GPHN: variants seen among roughly 807,000 people sequenced by gnomAD.
GPHN encodes gephyrin.
Under a neutral mutation model 95.5 loss-of-function variants are expected in GPHN, and 17 were observed. The ratio of observed to expected loss-of-function variants is 0.18; its 90% CI spans 0.12 to 0.27. The LOEUF (loss-of-function observed/expected upper bound fraction) is 0.27, where lower values mean the gene tolerates loss of function less well. GPHN is among the 10% of genes least tolerant of loss of function. GPHN has a pLI of 1.00. For missense variants in GPHN, 660 were observed against 978.1 expected (o/e 0.67, Z 4.34); for synonymous variants, 320 against 322.5 (o/e 0.99, Z 0.08).
At chr14:66,934,104 A>G (rs1310531474) in intron 8 of GPHN, among the ~76,000 whole-genome samples, 1 of 146,224 alleles carries the variant, frequency 6.8e-6, no homozygotes, top group African/African-American at 2.6e-5. Context: ...ATACTACTGC[A>G]CTTCAACCCA....
chr14:67,145,044 C>T (rs2080819475), intron 18 of GPHN, among the ~76,000 whole-genome samples: 1 of 152,194 alleles, frequency 6.6e-6, no homozygotes, highest in African/African-American at 2.4e-5. Flanking sequence ...CTGAGATCTG[C>T]ACTGTAGTAC....
intron 1 of GPHN, among the ~76,000 whole-genome samples, chr14:66,542,183 C>T (rs1317185842): frequency 1.3e-5 from 2 of 152,124 alleles, no homozygotes; most frequent in African/African-American, 2.4e-5. Context: ...CTATATACGT[C>T]GAGAGGAAAA....
the GPHN span, among the ~76,000 whole-genome samples, chr14:67,327,362 T>C: frequency 6.6e-6 from 1 of 151,526 alleles, no homozygotes; most frequent in Non-Finnish European, 1.5e-5. Flanking sequence ...TTTACTAAAT[T>C]GATATAAAAG....
chr14:67,308,262 T>C, the GPHN span, among the ~76,000 whole-genome samples: 1 of 148,878 alleles, frequency 6.7e-6, no homozygotes, highest in African/African-American at 2.5e-5. Flanking sequence ...GTGTAAAAAG[T>C]ATAAAAGCCA....
intron 17 of GPHN, among the ~76,000 whole-genome samples, chr14:67,125,632 C>T (rs554420555): frequency 9.7e-4 from 148 of 152,268 alleles, no homozygotes; most frequent in Middle Eastern, 3.4e-3. Context: ...CAAAAATTAG[C>T]TAGGCATGGT....
At chr14:67,264,342 A>C in the GPHN span, among the ~76,000 whole-genome samples, 3 of 152,178 alleles carry the variant, frequency 2.0e-5, no homozygotes, top group Non-Finnish European at 4.4e-5. Context: ...TAATAGTATT[A>C]GCTATGATCA....
At chr14:67,295,494 A>C in the GPHN span, among the ~76,000 whole-genome samples, 1 of 152,098 alleles carries the variant, frequency 6.6e-6, no homozygotes, top group South Asian at 2.1e-4. Context: ...TGTCTCAAAA[A>C]AAAAAAAACT....
chr14:66,751,587 A>G (rs892052097), intron 2 of GPHN, among the ~76,000 whole-genome samples: 11 of 152,128 alleles, frequency 7.2e-5, no homozygotes, highest in African/African-American at 1.4e-4. Context: ...GATGCTGGAT[A>G]CTAGACTTTT....
intron 3 of GPHN, among the ~76,000 whole-genome samples, chr14:66,795,320 G>T (rs1454374491): frequency 3.3e-5 from 5 of 151,792 alleles, no homozygotes; most frequent in Non-Finnish European, 7.4e-5. Context: ...TTTCACCCTT[G>T]TCATTAAATT....
intron 1 of GPHN, among the ~76,000 whole-genome samples, chr14:66,529,287 T>C (rs2139916902): frequency 6.6e-6 from 1 of 152,180 alleles, no homozygotes; most frequent in South Asian, 2.1e-4. Context: ...CTTCACAAAG[T>C]TCTTGTGCTG....
At chr14:67,593,210 C>G in the GPHN span, 2 of 163,438 alleles carry the variant, frequency 1.2e-5, no homozygotes, top group East Asian at 3.6e-4. Flanking sequence ...AAAGACAGGG[C>G]CAGGCGTAGT....
intron 1 of GPHN, among the ~76,000 whole-genome samples, chr14:66,561,401 T>C (rs1226377078): frequency 2.0e-5 from 3 of 152,154 alleles, no homozygotes; most frequent in Non-Finnish European, 4.4e-5. Flanking sequence ...CTATTGATTA[T>C]TGCCACAATT....
At chr14:66,949,188 G>T (rs893757662) in intron 8 of GPHN, among the ~76,000 whole-genome samples, 11 of 152,012 alleles carry the variant, frequency 7.2e-5, no homozygotes, top group Non-Finnish European at 1.6e-4. Context: ...GGGTTCAAGC[G>T]ATTCTCTTGC....
intron 1 of GPHN, among the ~76,000 whole-genome samples, chr14:66,543,390 T>C (rs941868865): frequency 1.6e-4 from 24 of 152,204 alleles, no homozygotes; most frequent in Non-Finnish European, 3.2e-4. Flanking sequence ...ATACATACTT[T>C]TTTTTCACAT....
intron 10 of GPHN, among the ~76,000 whole-genome samples, chr14:67,041,820 T>C (rs1300959515): frequency 1.3e-5 from 2 of 152,184 alleles, no homozygotes; most frequent in Non-Finnish European, 2.9e-5. Context: ...TTGAACTAAT[T>C]TACACTCCCA....
chr14:67,175,571 G>T (rs1251252912), intron 21 of GPHN, among the ~76,000 whole-genome samples: 2 of 152,042 alleles, frequency 1.3e-5, no homozygotes, highest in African/African-American at 4.8e-5. Context: ...GCTCTTTTTT[G>T]GTTCCATATG....
rs536894632 is a variant in GPHN, at chr14:66,621,143, T to G, written c.65-59964T>G. ...CCAAGCCCAGCCAATTTTTTTTTTT[T>G]TTTTTGTATTTTTAGTAGAGATGGG... is the stretch of plus-strand genomic sequence containing the variant. On this transcript the variant is annotated intron_variant, in intron 1 of 22. Transcript: ENST00000478722. Among the ~76,000 whole-genome samples the G allele has an allele frequency of 3.0e-3, 451 of 151,420 alleles. 4 individuals carry two copies. The highest frequency in any genetic ancestry group is 0.011 in the African/African-American group (433 of 41,228).
chr14:66,883,310 A>G (rs1365677168), intron 5 of GPHN, among the ~76,000 whole-genome samples: 4 of 151,690 alleles, frequency 2.6e-5, no homozygotes, highest in Admixed American at 2.0e-4. Flanking sequence ...GAGAATATCT[A>G]GTGGTTTTTA....
At chr14:66,571,888 A>G (rs1381419124) in intron 1 of GPHN, among the ~76,000 whole-genome samples, 1 of 152,248 alleles carries the variant, frequency 6.6e-6, no homozygotes, top group Non-Finnish European at 1.5e-5. Flanking sequence ...GATTTCTGCC[A>G]GTGGTTTCAC....
Sources: allele counts gnomAD v4.1 joint callset (sites outside exome capture counted in the v4.1 genomes callset), GRCh38; gene constraint gnomAD v4.1.1; transcripts MANE v1.5; gene names NCBI Gene and HGNC (gene_info 2026-07-23, HGNC 2026-07-21).